Variants in GNA14 observed in about 807,000 individuals in gnomAD.
GNA14 encodes G protein subunit alpha 14.
GNA14 carries 50 observed loss-of-function variants against 42.0 expected under a neutral mutation model. The observed-to-expected ratio is 1.19, with a 90% confidence interval of 0.95 to 1.51. The LOEUF is 1.51. Ranked by LOEUF, GNA14 falls within the 40% of genes most tolerant of loss-of-function variation. The pLI is 0.00. For missense variants in GNA14, 473 were observed against 446.2 expected, an observed-to-expected ratio of 1.06 and a Z score of -0.54; for synonymous variants, 173 against 163.1, an observed-to-expected ratio of 1.06 and a Z score of -0.46.
At position 77,463,725 on chromosome 9, in the gene GNA14, C is replaced by G. The variant is rs997728357; in HGVS notation, c.310-29203G>C. ...GGAGTGGCTGGTGGCAGAATCATGCCAGGTTCAATAGGTCAATACCCCAGG... is the reference window on the plus strand; with the variant it reads ...GGAGTGGCTGGTGGCAGAATCATGCGAGGTTCAATAGGTCAATACCCCAGG... On this transcript the variant is annotated intron_variant, in intron 2 of 6. Transcript: ENST00000341700. Among the ~76,000 whole-genome samples the G allele has an allele frequency of 2.4e-4, 36 of 152,056 alleles. 1 individual carries two copies.
At chr9:77,478,004 A>G (rs1387533123) in intron 2 of GNA14, among the ~76,000 whole-genome samples, 1 of 150,970 alleles carries the variant, frequency 6.6e-6, no homozygotes, top group Non-Finnish European at 1.5e-5. Flanking sequence ...CACAGAAAAC[A>G]GAATGAGAGA....
chr9:77,610,787 C>A (rs1163481772), intron 1 of GNA14, among the ~76,000 whole-genome samples: 1 of 152,090 alleles, frequency 6.6e-6, no homozygotes, highest in East Asian at 1.9e-4. Context: ...GAACAAGAAT[C>A]ACCTATTGCA....
intron 1 of GNA14, among the ~76,000 whole-genome samples, chr9:77,616,527 G>T (rs111988049): frequency 1.3e-3 from 191 of 152,322 alleles, no homozygotes; most frequent in African/African-American, 4.5e-3. Context: ...GGGCACTCAG[G>T]GGCAGTGGGT....
chr9:77,562,899 T>C (rs1297942984), intron 1 of GNA14, among the ~76,000 whole-genome samples: 3 of 152,160 alleles, frequency 2.0e-5, no homozygotes, highest in Non-Finnish European at 4.4e-5. Flanking sequence ...CCTGAATAGA[T>C]CATCTTCAGA....
At chr9:77,638,598 G>C (rs1038703036) in intron 1 of GNA14, among the ~76,000 whole-genome samples, 14 of 152,344 alleles carry the variant, frequency 9.2e-5, no homozygotes, top group African/African-American at 3.1e-4. Context: ...GGTGAGTTTG[G>C]CTTCAGCCCA....
chr9:77,525,572 T>G (rs1020505632), intron 2 of GNA14, among the ~76,000 whole-genome samples: 1 of 149,530 alleles, frequency 6.7e-6, no homozygotes, highest in African/African-American at 2.5e-5. Flanking sequence ...GGAGTCTCGC[T>G]CTGTTGCCCA....
chr9:77,558,893 T>A (rs1427222418), intron 1 of GNA14, among the ~76,000 whole-genome samples: 1 of 149,658 alleles, frequency 6.7e-6, no homozygotes, highest in Non-Finnish European at 1.5e-5. Flanking sequence ...TTCTAGCAAG[T>A]ACCATTACTG....
intron 1 of GNA14, among the ~76,000 whole-genome samples, chr9:77,628,740 A>C (rs1317267976): frequency 2.0e-5 from 3 of 152,330 alleles, no homozygotes; most frequent in Admixed American, 2.0e-4. Context: ...AATTAACTCA[A>C]GATGGATTAT....
chr9:77,536,445 G>T (rs1417231757), intron 1 of GNA14, among the ~76,000 whole-genome samples: 1 of 152,178 alleles, frequency 6.6e-6, no homozygotes, highest in East Asian at 1.9e-4. Context: ...CCGCTTCCCA[G>T]GTTCAAGCAA....
chr9:77,548,106 G>A (rs1023332818), intron 1 of GNA14, among the ~76,000 whole-genome samples: 1 of 152,164 alleles, frequency 6.6e-6, no homozygotes, highest in Non-Finnish European at 1.5e-5. Flanking sequence ...CTGTAACAAA[G>A]TACCTCATAC....
intron 1 of GNA14, among the ~76,000 whole-genome samples, chr9:77,594,725 T>C (rs1823437853): frequency 6.6e-6 from 1 of 152,228 alleles, no homozygotes; most frequent in Non-Finnish European, 1.5e-5. Context: ...CCTGAGTTTA[T>C]AACTAGAAAC....
At chr9:77,554,051 AG>A (rs1822726135) in intron 1 of GNA14, among the ~76,000 whole-genome samples, 1 of 152,164 alleles carries the variant, frequency 6.6e-6, no homozygotes, top group African/African-American at 2.4e-5. Context: ...AGTACAGTAA[AG>A]GTTAAGAGGG....
intron 1 of GNA14, among the ~76,000 whole-genome samples, chr9:77,581,037 C>CACACACAA (rs375382462): frequency 7.3e-6 from 1 of 137,054 alleles, no homozygotes; most frequent in African/African-American, 2.8e-5. Flanking sequence ...CACACACACA[C>CACACACAA]AATAGTACCC....
chr9:77,561,633 G>A (rs1371928741), intron 1 of GNA14, among the ~76,000 whole-genome samples: 1 of 152,182 alleles, frequency 6.6e-6, no homozygotes, highest in African/African-American at 2.4e-5. Flanking sequence ...GAGGGGAATG[G>A]AGAGTTCTTA....
At chr9:77,503,992 G>A (rs1024660880) in intron 2 of GNA14, among the ~76,000 whole-genome samples, 5 of 152,064 alleles carry the variant, frequency 3.3e-5, no homozygotes, top group South Asian at 2.1e-4. Flanking sequence ...CAAATTTCAG[G>A]ATTCTAAGGA....
chr9:77,550,423 T>C (rs2131781302), intron 1 of GNA14, among the ~76,000 whole-genome samples: 2 of 152,340 alleles, frequency 1.3e-5, no homozygotes, highest in Admixed American at 1.3e-4. Flanking sequence ...AATTGGTACA[T>C]ATTATTAGCT....
intron 1 of GNA14, among the ~76,000 whole-genome samples, chr9:77,567,540 T>TA (rs1320559264): frequency 2.0e-5 from 3 of 151,976 alleles, no homozygotes; most frequent in Non-Finnish European, 4.4e-5. Context: ...CCACAAGTTT[T>TA]AAAAAAAATG....
chr9:77,487,365 A>C (rs946383017), intron 2 of GNA14, among the ~76,000 whole-genome samples: 3 of 152,200 alleles, frequency 2.0e-5, no homozygotes, highest in Non-Finnish European at 4.4e-5. Flanking sequence ...GAATTTTTAA[A>C]AATATTATGT....
chr9:77,493,026 A>AAAAAAAATATATATAT (rs1554691641), intron 2 of GNA14, among the ~76,000 whole-genome samples: 1 of 51,718 alleles, frequency 1.9e-5, no homozygotes, highest in Admixed American at 1.9e-4. Flanking sequence ...AAAAAAAAAA[A>AAAAAAAATATATATAT]ATATATATAT....
Sources: allele counts gnomAD v4.1 joint callset (sites outside exome capture counted in the v4.1 genomes callset), GRCh38; gene constraint gnomAD v4.1.1; transcripts MANE v1.5; gene names NCBI Gene and HGNC (gene_info 2026-07-23, HGNC 2026-07-21).